HSF5: variants seen among roughly 807,000 people sequenced by gnomAD.
The protein encoded by HSF5 is heat shock transcription factor 5.
A neutral mutation model predicts 50.8 loss-of-function variants in HSF5; 5 were observed. That is an observed-to-expected ratio of 0.10 (90% confidence interval 0.05 to 0.21). The LOEUF (loss-of-function observed/expected upper bound fraction) is 0.21, where lower values mean the gene tolerates loss of function less well. Among genes scored for constraint, HSF5 ranks in the 10% least tolerant of loss-of-function variants. The probability of loss-of-function intolerance (pLI) is 1.00; values close to 1 mark genes in which losing one functional copy is unlikely to be tolerated. For synonymous variants in HSF5, 307 were observed against 307.4 expected, an observed-to-expected ratio of 1.00 and a Z score of 0.02; for missense variants, 564 against 762.6, an observed-to-expected ratio of 0.74 and a Z score of 3.07.
Position 58,462,967 on chromosome 17 carries a change from A to C in HSF5, c.1357T>G (p.Ser453Ala). Reference sequence around the variant, plus strand: ...ATGTACTCAGGTGACTGTGGTAGAGAGCAGGCAACTGCTTGTTCTGTTCCA... The same window carrying C: ...ATGTACTCAGGTGACTGTGGTAGAGCGCAGGCAACTGCTTGTTCTGTTCCA... ...VVGTEQAVACSLPQSPEYIYT... is the reference protein window; with the variant it reads ...VVGTEQAVACALPQSPEYIYT... The change falls in exon 4 of 6, where the codon TCT becomes GCT. Residue 453 changes from serine (S) to alanine (A), a missense_variant. By Grantham distance (99) the Ser-to-Ala change is moderately conservative (BLOSUM62 1). Transcript: ENST00000323777. 6.2e-7 allele frequency: 1 copy of C among 1,614,190 alleles called. No homozygotes were observed. The highest frequency in any genetic ancestry group is 8.5e-7 in the Non-Finnish European group (1 of 1,180,026).
chr17:58,486,214 A>C (rs1228086429), intron 1 of HSF5, among the ~76,000 whole-genome samples: 1 of 151,998 alleles, frequency 6.6e-6, no homozygotes, highest in African/African-American at 2.4e-5. Context: ...AAAATATAAA[A>C]ATTAGCCGGG....
chr17:58,456,184 C>G (rs1974711488), intron 5 of HSF5, among the ~76,000 whole-genome samples: 2 of 151,384 alleles, frequency 1.3e-5, no homozygotes, highest in Non-Finnish European at 2.9e-5. Flanking sequence ...CACACACACA[C>G]ACACACACAC....
chr17:58,476,754 G>T, intron 2 of HSF5: 9 of 1,598,402 alleles, frequency 5.6e-6, no homozygotes, highest in Non-Finnish European at 7.7e-6. Flanking sequence ...GAAAAAAATG[G>T]TTGGCGGAGT....
intron 5 of HSF5, among the ~76,000 whole-genome samples, chr17:58,454,575 C>A (rs2143768777): frequency 6.6e-6 from 1 of 152,256 alleles, no homozygotes; most frequent in South Asian, 2.1e-4. Context: ...TGATCATATA[C>A]ATAGAAAACC....
At chr17:58,456,940 T>C (rs182558375) in intron 5 of HSF5, among the ~76,000 whole-genome samples, 2 of 152,008 alleles carry the variant, frequency 1.3e-5, no homozygotes, top group South Asian at 2.1e-4. Context: ...CTGGGCAACA[T>C]AGTGAGACCC....
chr17:58,465,573 T>C (rs959586973), intron 3 of HSF5, among the ~76,000 whole-genome samples: 3 of 150,880 alleles, frequency 2.0e-5, no homozygotes, highest in Non-Finnish European at 2.9e-5. Context: ...TCTCATTCTA[T>C]ACTCCAAACA....
rs150064705 is a variant in HSF5, at chr17:58,461,493, G to A, written c.1542+1289C>T. 2.8e-4 allele frequency among the ~76,000 whole-genome samples: 42 copies of A among 150,462 alleles called. No individual in the cohort carries two copies. In the East Asian group the frequency reaches 7.2e-3, roughly 26 times the overall value. On this transcript the variant is annotated intron_variant, in intron 4 of 5. Transcript: ENST00000323777. ...CCTATTGAAGAAAAAATCCAAAATGGAAAAAAAATATATACACATATCAGG... is the reference window on the plus strand; with the variant it reads ...CCTATTGAAGAAAAAATCCAAAATGAAAAAAAAATATATACACATATCAGG...
intron 5 of HSF5, among the ~76,000 whole-genome samples, chr17:58,440,888 G>T (rs1041209837): frequency 6.6e-6 from 1 of 152,042 alleles, no homozygotes; most frequent in Admixed American, 6.6e-5. Flanking sequence ...GAACATGAAG[G>T]TAGAAGAAAT....
intron 5 of HSF5, among the ~76,000 whole-genome samples, chr17:58,433,400 T>C (rs1974388397): frequency 6.6e-6 from 1 of 152,178 alleles, no homozygotes; most frequent in East Asian, 1.9e-4. Flanking sequence ...TAGGCAGTAG[T>C]GTATACAAGT....
intron 1 of HSF5, among the ~76,000 whole-genome samples, chr17:58,482,180 T>A (rs1440832911): frequency 6.6e-6 from 1 of 152,006 alleles, no homozygotes. Flanking sequence ...CAACACAAAT[T>A]CTGAAGCCCT....
chr17:58,475,540 T>C lies in HSF5; in HGVS notation c.925+4353A>G, dbSNP rs1214456892. ...TTAAAAAGTGTCAAATTGCAAAGGA[T>C]ATCTGTCAAATATCACAATTAAACA... On this transcript the variant is annotated intron_variant, in intron 2 of 5. Coordinates refer to ENST00000323777, the MANE Select transcript of HSF5 (RefSeq NM_001080439.3). 3.3e-5 allele frequency among the ~76,000 whole-genome samples: 5 copies of C among 152,218 alleles called. No individual in the cohort carries two copies. In the East Asian group the frequency reaches 9.6e-4, roughly 29 times the overall value.
chr17:58,422,425 G>T lies in HSF5; in HGVS notation c.1726C>A (p.His576Asn). The change falls in exon 6 of 6, where the codon CAT becomes AAT. Residue 576 changes from histidine (H) to asparagine (N), a missense_variant. By Grantham distance (68) the His-to-Asn change is moderately conservative. This residue lies in a region of HSF5 where 441 missense variants were observed against 533.6 expected (regional missense o/e 0.83). Coordinates refer to ENST00000323777, the MANE Select transcript of HSF5 (RefSeq NM_001080439.3). ...TTGCAGGCCACGTCCACCAGCAGAT[G>T]AAGATCTAGAAAGAAAGGATAGTTT... The part of the protein sequence containing the change: ...NSQQGKSPDL[H>N]LLVDVACKQE... 1 of 1,613,692 alleles carries T rather than the reference G, an allele frequency of 6.2e-7. No homozygotes were observed. Among genetic ancestry groups the T allele is most frequent in the East Asian group, 2.2e-5 (1 of 44,876 alleles).
chr17:58,445,490 G>A (rs1246976573), intron 5 of HSF5, among the ~76,000 whole-genome samples: 1 of 152,208 alleles, frequency 6.6e-6, no homozygotes, highest in East Asian at 1.9e-4. Context: ...AGGGATGGAA[G>A]CAACCTAAAT....
chr17:58,463,852 G>A (rs1319674227), intron 3 of HSF5, among the ~76,000 whole-genome samples: 1 of 152,152 alleles, frequency 6.6e-6, no homozygotes, highest in Non-Finnish European at 1.5e-5. Flanking sequence ...CAAAGCAATA[G>A]ACTAAAATGG....
intron 2 of HSF5, among the ~76,000 whole-genome samples, chr17:58,470,127 G>A (rs1488942631): frequency 1.3e-5 from 2 of 152,140 alleles, no homozygotes; most frequent in Admixed American, 1.3e-4. Flanking sequence ...TAGAACCCCA[G>A]TATCTCCTCA....
intron 5 of HSF5, among the ~76,000 whole-genome samples, chr17:58,428,325 G>A (rs537165347): frequency 8.5e-5 from 13 of 152,210 alleles, no homozygotes; most frequent in Middle Eastern, 3.4e-3. Context: ...AATGGCAAAC[G>A]AGCTCATGAA....
At position 58,449,474 on chromosome 17, in the gene HSF5, C is replaced by T. The variant is rs767781494; in HGVS notation, c.1720+9294G>A. ...CAACACTTCTGGAGACCGAGGCAGG[C>T]GGATCACCAGAGGTCAGGAGTCCAA... On this transcript the variant is annotated intron_variant, in intron 5 of 5. Transcript: ENST00000323777. Among the ~76,000 whole-genome samples, 9 of 152,220 alleles carry T rather than the reference C, an allele frequency of 5.9e-5. No homozygotes were observed. In the South Asian group the frequency reaches 8.3e-4, roughly 14 times the overall value.
chr17:58,439,538 G>A (rs1431388441), intron 5 of HSF5, among the ~76,000 whole-genome samples: 1 of 151,740 alleles, frequency 6.6e-6, no homozygotes, highest in East Asian at 1.9e-4. Context: ...AGGCTAAAGT[G>A]CAATAGCGCG....
At chr17:58,442,115 T>A (rs773066989) in intron 5 of HSF5, among the ~76,000 whole-genome samples, 1 of 152,228 alleles carries the variant, frequency 6.6e-6, no homozygotes, top group Non-Finnish European at 1.5e-5. Flanking sequence ...GTTCTGTGTA[T>A]ACTAACATGG....
Sources: gnomAD v4.1 joint callset for allele counts (sites outside exome capture counted in the v4.1 genomes callset) on GRCh38, gnomAD v4.1.1 for gene constraint, gnomAD v4.1.1 regional missense constraint, MANE v1.5 for transcripts, NCBI Gene and HGNC (gene_info 2026-07-23, HGNC 2026-07-21) for gene names.